Variants in RLN2 observed in about 807,000 individuals in gnomAD.
The protein encoded by RLN2 is prorelaxin H2.
In RLN2, 10 loss-of-function variants were observed where a neutral mutation model predicts 7.3. The ratio of observed to expected loss-of-function variants is 1.36; its 90% CI spans 0.84 to 2.31. RLN2 has a LOEUF of 2.31. Ranked by LOEUF, RLN2 falls within the 30% of genes most tolerant of loss-of-function variation. The pLI is 0.00. For synonymous variants in RLN2, 103 were observed against 82.3 expected (o/e 1.25, Z -1.36); for missense variants, 298 against 217.6 (o/e 1.37, Z -2.32).
chr9:5,312,959 A>G, the RLN2 span, among the ~76,000 whole-genome samples: 4 of 151,938 alleles, frequency 2.6e-5, no homozygotes, highest in African/African-American at 9.7e-5. Context: ...TATGATTTCA[A>G]TTTTCTTAAA....
At chr9:5,300,667 C>T (rs1210429855) in intron 1 of RLN2, among the ~76,000 whole-genome samples, 1 of 152,140 alleles carries the variant, frequency 6.6e-6, no homozygotes, top group Non-Finnish European at 1.5e-5. Flanking sequence ...CCCCATTGGT[C>T]CTCTCTCGTC....
the RLN2 span, among the ~76,000 whole-genome samples, chr9:5,331,892 A>G: frequency 6.6e-6 from 1 of 152,062 alleles, no homozygotes; most frequent in East Asian, 1.9e-4. Flanking sequence ...ATCTATTAAT[A>G]TGAAAAATGT....
chr9:5,335,409 G>A, the RLN2 span: 19 of 1,613,468 alleles, frequency 1.2e-5, no homozygotes, highest in East Asian at 4.5e-5. Context: ...TGCCTATTGC[G>A]AATAAGTTTC....
At position 5,300,059 on chromosome 9, in the gene RLN2, G is replaced by T; in HGVS notation, c.*39C>A. ...ATCAGTGAAATGTCATTAAGAATAT[G>T]TGTGAATATTATACGAGATGTGCAC... On this transcript the variant is annotated 3_prime_UTR_variant, in exon 2 of 2. Transcript: ENST00000381627. 8.0e-7 allele frequency: 1 copy of T among 1,248,600 alleles called. No individual in the cohort carries two copies. Among genetic ancestry groups the T allele is most frequent in the Non-Finnish European group, 1.1e-6 (1 of 880,534 alleles). The allele number at this position is 1,248,600 out of a possible 1,614,324, so 77.3% of individuals were successfully genotyped here. A position where few individuals can be genotyped will look rare whatever the true frequency, so the allele number is the denominator to read the frequency against.
the RLN2 span, among the ~76,000 whole-genome samples, chr9:5,324,045 T>G: frequency 1.3e-5 from 2 of 151,530 alleles, no homozygotes; most frequent in African/African-American, 2.4e-5. Flanking sequence ...AGACTCTGTC[T>G]CAAAATAAAT....
the RLN2 span, among the ~76,000 whole-genome samples, chr9:5,326,184 A>C: frequency 1.3e-5 from 2 of 152,122 alleles, no homozygotes; most frequent in African/African-American, 4.8e-5. Context: ...GTTTCTGTTA[A>C]ATTTTTTAAA....
At chr9:5,321,416 C>A in the RLN2 span, among the ~76,000 whole-genome samples, 3 of 152,024 alleles carry the variant, frequency 2.0e-5, no homozygotes, top group African/African-American at 7.3e-5. Flanking sequence ...TCCATCCAGC[C>A]TTAATGTTCA....
chr9:5,319,762 T>C, the RLN2 span, among the ~76,000 whole-genome samples: 2 of 152,032 alleles, frequency 1.3e-5, no homozygotes, highest in Non-Finnish European at 2.9e-5. Flanking sequence ...TGGACAGTAG[T>C]TCTGACCATC....
In RLN2 at chr9:5,300,183, C is replaced by A. The variant is rs767650831; in HGVS notation, c.473G>T (p.Arg158Leu). The A allele has an allele frequency of 1.2e-6, 2 of 1,612,436 alleles. No individual in the cohort carries two copies. Among genetic ancestry groups the A allele is most frequent in the East Asian group, 2.2e-5 (1 of 44,864 alleles). The change falls in exon 2 of 2, where the codon CGA becomes CTA. Residue 158 changes from arginine to leucine, a missense_variant. Transcript: ENST00000381627. Reference sequence around the variant, plus strand: ...TGCACTGTAGAGTTGTCTCTTTTTTCGAGAATGAGTATCCAAGCCTAAGTA... The same window carrying A: ...TGCACTGTAGAGTTGTCTCTTTTTTAGAGAATGAGTATCCAAGCCTAAGTA... The part of the protein sequence containing the change: ...LKYLGLDTHS[R>L]KKRQLYSALA...
upstream of RLN2, among the ~76,000 whole-genome samples, chr9:5,307,368 A>G (rs72703636): frequency 0.019 from 2,893 of 152,052 alleles, 58 homozygotes; most frequent in Middle Eastern, 0.037. Context: ...TTATTAAGAA[A>G]TAAACTTACA....
At chr9:5,335,736 C>T in the RLN2 span, 2 of 623,132 alleles carry the variant, frequency 3.2e-6, no homozygotes, top group Non-Finnish European at 5.5e-6. Context: ...CAAAAGCATC[C>T]TAATATCTAA....
the RLN2 span, among the ~76,000 whole-genome samples, chr9:5,323,798 C>A: frequency 1.3e-5 from 2 of 151,872 alleles, no homozygotes; most frequent in Admixed American, 1.3e-4. Flanking sequence ...GTAATCCCAG[C>A]AATTTGGGAG....
the RLN2 span, among the ~76,000 whole-genome samples, chr9:5,316,120 G>C: frequency 0.19 from 29,372 of 151,752 alleles, 3,055 homozygotes; most frequent in African/African-American, 0.23. Flanking sequence ...AAAACCAAAA[G>C]AGTCAAAAAT....
the RLN2 span, among the ~76,000 whole-genome samples, chr9:5,319,486 A>G: frequency 6.6e-6 from 1 of 152,014 alleles, no homozygotes; most frequent in Non-Finnish European, 1.5e-5. Context: ...AAAAGTTCAA[A>G]TATCAGATGC....
chr9:5,338,005 G>T, the RLN2 span, among the ~76,000 whole-genome samples: 1 of 151,250 alleles, frequency 6.6e-6, no homozygotes, highest in African/African-American at 2.4e-5. Context: ...AAAGTATAAT[G>T]GTGAGTGAAA....
In RLN2 at chr9:5,300,455, TAA is replaced by T; in HGVS notation, c.212-13_212-12del. On this transcript the variant is annotated splice_polypyrimidine_tract_variant and intron_variant, in intron 1 of 1. Coordinates refer to ENST00000381627, the MANE Select transcript of RLN2 (RefSeq NM_134441.3). Reference sequence around the variant, plus strand: ...AGGATGGCACAATTTCTGTTAAATTTAAAAAAAAAGGTGTATGTGAGGGTATA... The same window carrying T: ...AGGATGGCACAATTTCTGTTAAATTTAAAAAAAGGTGTATGTGAGGGTATA... The T allele has an allele frequency of 6.5e-7, 1 of 1,548,402 alleles. No homozygotes were observed. Among genetic ancestry groups the T allele is most frequent in the Non-Finnish European group, 8.8e-7 (1 of 1,141,052 alleles).
chr9:5,320,779 CTT>C, the RLN2 span, among the ~76,000 whole-genome samples: 1 of 151,974 alleles, frequency 6.6e-6, no homozygotes, highest in Non-Finnish European at 1.5e-5. Flanking sequence ...TAAATAAAGA[CTT>C]TTTGAAGAAG....
the RLN2 span, among the ~76,000 whole-genome samples, chr9:5,334,062 C>T: frequency 6.6e-6 from 1 of 152,014 alleles, no homozygotes; most frequent in African/African-American, 2.4e-5. Flanking sequence ...CAGCCAATAG[C>T]ATACTGAATG....
upstream of RLN2, among the ~76,000 whole-genome samples, chr9:5,308,845 T>C (rs766931757): frequency 6.6e-6 from 1 of 152,038 alleles, no homozygotes; most frequent in Non-Finnish European, 1.5e-5. Flanking sequence ...CTGCCAGCCC[T>C]GGAATTATTC....
Sources: gnomAD v4.1 joint callset for allele counts (sites outside exome capture counted in the v4.1 genomes callset) on GRCh38, gnomAD v4.1.1 for gene constraint, MANE v1.5 for transcripts, NCBI Gene and HGNC (gene_info 2026-07-23, HGNC 2026-07-21) for gene names.